SLC2A9: variants seen among roughly 807,000 people sequenced by gnomAD.
SLC2A9 encodes the protein solute carrier family 2, facilitated glucose transporter member 9.
A neutral mutation model predicts 50.6 loss-of-function variants in SLC2A9; 39 were observed. The observed-to-expected ratio is 0.77, with a 90% CI of 0.60 to 1.01. The LOEUF (loss-of-function observed/expected upper bound fraction) is 1.01, where lower values mean the gene tolerates loss of function less well. SLC2A9 is among the 50% of genes least tolerant of loss of function. SLC2A9 has a pLI of 0.00. For synonymous variants in SLC2A9, 324 were observed against 276.9 expected (o/e 1.17, Z -1.69); for missense variants, 686 against 677.6 (o/e 1.01, Z -0.14).
rs138949074 is a variant in SLC2A9 at position 9,959,005 on chromosome 4, T to C, written c.682-16960A>G. 9.0e-3 allele frequency among the ~76,000 whole-genome samples: 1,364 copies of C among 152,002 alleles called. 9 individuals are homozygous for C. The highest frequency in any genetic ancestry group is 0.014 in the Non-Finnish European group (920 of 67,968). Reference sequence around the variant, plus strand: ...ACGAGAAAGGAAAGTAATCGGTAAATAGTCATACCAATATAAATGTTAACC... The same window carrying C: ...ACGAGAAAGGAAAGTAATCGGTAAACAGTCATACCAATATAAATGTTAACC... On this transcript the variant is annotated intron_variant, in intron 5 of 11. Transcript: ENST00000264784.
chr4:9,861,508 C>G (rs1355457434), intron 10 of SLC2A9, among the ~76,000 whole-genome samples: 1 of 152,108 alleles, frequency 6.6e-6, no homozygotes, highest in East Asian at 1.9e-4. Flanking sequence ...CATATAATTA[C>G]ATTATATTTT....
chr4:10,015,402 G>A (rs936659115), intron 2 of SLC2A9, among the ~76,000 whole-genome samples: 1 of 152,138 alleles, frequency 6.6e-6, no homozygotes, highest in African/African-American at 2.4e-5. Context: ...TGTGAACCTG[G>A]GCAAGTTGCT....
At chr4:9,787,058 C>T (rs1719318336) in intron 3 of SLC2A9, among the ~76,000 whole-genome samples, 2 of 152,230 alleles carry the variant, frequency 1.3e-5, no homozygotes, top group South Asian at 4.1e-4. Flanking sequence ...TGAAGTTTGG[C>T]TCCACCATTT....
intron 10 of SLC2A9, among the ~76,000 whole-genome samples, chr4:9,850,364 T>G (rs1235715296): frequency 6.6e-6 from 1 of 152,146 alleles, no homozygotes; most frequent in Non-Finnish European, 1.5e-5. Context: ...CAGTGAAGCA[T>G]GGCCAGTGAT....
Position 9,931,356 on chromosome 4 carries a change from G to A in SLC2A9, c.814+10557C>T, listed in dbSNP as rs571826531. On this transcript the variant is annotated intron_variant, in intron 6 of 11. Transcript: ENST00000264784. ...TCCCAACTGGGAAAAAAACCTCTGTGTAGCATGGCAAACTCCTGGGCTGGG... is the reference window on the plus strand; with the variant it reads ...TCCCAACTGGGAAAAAAACCTCTGTATAGCATGGCAAACTCCTGGGCTGGG... Among the ~76,000 whole-genome samples, 5 of 152,320 alleles carry A rather than the reference G, an allele frequency of 3.3e-5. No individual in the cohort carries two copies. The South Asian group carries it at 1.0e-3, about 32-fold the overall frequency.
intron 2 of SLC2A9, among the ~76,000 whole-genome samples, chr4:10,008,675 A>C (rs1485945548): frequency 1.3e-5 from 2 of 152,226 alleles, no homozygotes; most frequent in South Asian, 2.1e-4. Context: ...ACACATTAAA[A>C]GCGGCCTCTG....
intron 10 of SLC2A9, among the ~76,000 whole-genome samples, chr4:9,853,595 G>A (rs774731081): frequency 5.9e-5 from 9 of 152,102 alleles, no homozygotes; most frequent in Non-Finnish European, 8.8e-5. Flanking sequence ...CAGATGATCA[G>A]GGCAGAAAAC....
chr4:9,963,586 G>A (rs1752612096), intron 5 of SLC2A9, among the ~76,000 whole-genome samples: 1 of 152,220 alleles, frequency 6.6e-6, no homozygotes, highest in South Asian at 2.1e-4. Flanking sequence ...GTTTGTGGGA[G>A]GCAGAGATGG....
intron 3 of SLC2A9, among the ~76,000 whole-genome samples, chr4:9,810,030 C>T (rs1722673495): frequency 6.6e-6 from 1 of 152,098 alleles, no homozygotes; most frequent in African/African-American, 2.4e-5. Context: ...TCTAAAGTCA[C>T]AATCCAGACA....
intron 10 of SLC2A9, chr4:9,880,108 G>A (rs1278566661): frequency 7.1e-6 from 7 of 985,276 alleles, no homozygotes; most frequent in Non-Finnish European, 8.4e-6. Context: ...ACTTTCCCGG[G>A]TGGCTCCCCT....
At chr4:9,955,072 A>G (rs1164378822) in intron 5 of SLC2A9, among the ~76,000 whole-genome samples, 1 of 152,148 alleles carries the variant, frequency 6.6e-6, no homozygotes, top group East Asian at 1.9e-4. Flanking sequence ...CATGTGCACA[A>G]CGTCAGTAAA....
downstream of SLC2A9, among the ~76,000 whole-genome samples, chr4:9,823,767 T>C (rs1292440787): frequency 6.6e-6 from 1 of 152,164 alleles, no homozygotes; most frequent in Non-Finnish European, 1.5e-5. Context: ...GGTTTGGAAT[T>C]GAGATGATGC....
chr4:10,017,843 G>A (rs1310659539), intron 2 of SLC2A9, among the ~76,000 whole-genome samples: 2 of 151,632 alleles, frequency 1.3e-5, no homozygotes, highest in South Asian at 2.1e-4. Context: ...GGAGCTCCCC[G>A]CATTTCCCCA....
chr4:9,980,007 C>A (rs1755445757), intron 5 of SLC2A9, among the ~76,000 whole-genome samples: 1 of 152,132 alleles, frequency 6.6e-6, no homozygotes, highest in Non-Finnish European at 1.5e-5. Flanking sequence ...CTTGAGTTTA[C>A]CCCACCCCAT....
rs147091883 is a variant in SLC2A9, at chr4:9,857,948, G to A, written c.1292-22940C>T. Among the ~76,000 whole-genome samples, 26 of 152,280 alleles carry A rather than the reference G, an allele frequency of 1.7e-4. No individual in the cohort carries two copies. In the South Asian group the frequency reaches 2.5e-3, roughly 15 times the overall value. On this transcript the variant is annotated intron_variant, in intron 10 of 11. Coordinates refer to ENST00000264784, the MANE Select transcript of SLC2A9 (RefSeq NM_020041.3). ...ATTGGTTTCTAATCTACACTGCCAC[G>A]GTACCTAGGGGAACAAACTTATTGT... is the stretch of plus-strand genomic sequence containing the variant.
In SLC2A9 at chr4:9,931,976, A is replaced by C. The variant is rs1467998275; in HGVS notation, c.814+9937T>G. Among the ~76,000 whole-genome samples the C allele has an allele frequency of 1.6e-3, 100 of 61,942 alleles. 4 individuals carry two copies. The highest frequency in any genetic ancestry group is 7.9e-3 in the African/African-American group (74 of 9,352). 40.6% of individuals were successfully genotyped at this position (61,942 alleles called of 152,430 possible). A position where few individuals can be genotyped will look rare whatever the true frequency, so the allele number is the denominator to read the frequency against. ...TCTCTCTCTCTCTATATATATATAT[A>C]TATATATATATATATATATATATGC... On this transcript the variant is annotated intron_variant, in intron 6 of 11. Transcript: ENST00000264784.
chr4:9,975,372 C>T (rs1754615977), intron 5 of SLC2A9, among the ~76,000 whole-genome samples: 1 of 152,112 alleles, frequency 6.6e-6, no homozygotes. Context: ...GGCTAAAATC[C>T]ATAATCTATA....
intron 3 of SLC2A9, among the ~76,000 whole-genome samples, chr4:9,812,646 T>C (rs936021096): frequency 1.1e-4 from 16 of 152,190 alleles, no homozygotes; most frequent in Non-Finnish European, 1.8e-4. Flanking sequence ...CGTAGGTAGC[T>C]GAGAAGTGCC....
chr4:9,802,143 A>G (rs1332072039), intron 3 of SLC2A9, among the ~76,000 whole-genome samples: 1 of 152,104 alleles, frequency 6.6e-6, no homozygotes. Context: ...AGGCTTGTTT[A>G]CTCGGTACCG....
Sources: gnomAD v4.1 joint callset for allele counts (sites outside exome capture counted in the v4.1 genomes callset) on GRCh38, gnomAD v4.1.1 for gene constraint, MANE v1.5 for transcripts, NCBI Gene and HGNC (gene_info 2026-07-23, HGNC 2026-07-21) for gene names.